Variants in FYN observed in about 807,000 individuals in gnomAD.
FYN encodes tyrosine-protein kinase Fyn.
Under a neutral mutation model 70.2 loss-of-function variants are expected in FYN, and 10 were observed. The observed-to-expected ratio is 0.14, with a 90% confidence interval of 0.09 to 0.24. FYN has a LOEUF of 0.24. Ranked by LOEUF, FYN falls within the 10% of genes least tolerant of loss-of-function variation. FYN has a pLI of 1.00. For missense variants in FYN, 319 were observed against 673.1 expected (o/e 0.47, Z 5.82); for synonymous variants, 236 against 248.6 (o/e 0.95, Z 0.48).
chr6:111,821,446 A>G (rs1004175100), intron 2 of FYN, among the ~76,000 whole-genome samples: 12 of 152,330 alleles, frequency 7.9e-5, no homozygotes, highest in Admixed American at 1.3e-4. Flanking sequence ...GAGAGCTGAA[A>G]CTGGATCCTT....
At chr6:111,706,231 G>A (rs1319262229) in intron 6 of FYN, among the ~76,000 whole-genome samples, 1 of 152,184 alleles carries the variant, frequency 6.6e-6, no homozygotes, top group African/African-American at 2.4e-5. Context: ...ATGAGCAGCA[G>A]GTGCCCCCAA....
intron 1 of FYN, among the ~76,000 whole-genome samples, chr6:111,868,856 C>T (rs975368182): frequency 3.3e-5 from 5 of 152,104 alleles, no homozygotes; most frequent in Non-Finnish European, 7.4e-5. Flanking sequence ...TTGTTAAGAT[C>T]GGAGCTTAAA....
chr6:111,822,397 G>A (rs1295327714), intron 2 of FYN, among the ~76,000 whole-genome samples: 3 of 152,044 alleles, frequency 2.0e-5, no homozygotes, highest in African/African-American at 7.2e-5. Flanking sequence ...ACCAAACACC[G>A]CATGTTCTCA....
chr6:111,763,401 A>G (rs1477194172), intron 3 of FYN, among the ~76,000 whole-genome samples: 3 of 152,062 alleles, frequency 2.0e-5, no homozygotes, highest in Admixed American at 2.0e-4. Context: ...CTTACACTTT[A>G]CTATTTTTAA....
chr6:111,719,918 G>T lies in FYN; in HGVS notation c.134C>A (p.Thr45Asn), dbSNP rs924981581. 1.2e-6 allele frequency: 2 copies of T among 1,614,044 alleles called. No individual in the cohort carries two copies. Among genetic ancestry groups the T allele is most frequent in the African/African-American group, 2.7e-5 (2 of 74,912 alleles). The change falls in exon 4 of 14, where the codon ACC becomes AAC. Residue 45 changes from threonine to asparagine, a missense_variant. Around this residue, in one of 4 missense-constraint regions of FYN, gnomAD observed 128 missense variants for 183.9 expected, o/e 0.70. Coordinates refer to ENST00000354650, the MANE Select transcript of FYN (RefSeq NM_002037.5). ...TPQHYPSFGV[T>N]SIPNYNNFHA... ...GAAGTTGTTGTAGTTGGGGATGGAGGTCACACCGAAGCTGGGGTAGTGCTG... is the reference window on the plus strand; with the variant it reads ...GAAGTTGTTGTAGTTGGGGATGGAGTTCACACCGAAGCTGGGGTAGTGCTG...
At chr6:111,774,700 C>T (rs1006556520) in intron 3 of FYN, among the ~76,000 whole-genome samples, 3 of 152,108 alleles carry the variant, frequency 2.0e-5, no homozygotes, top group African/African-American at 7.2e-5. Flanking sequence ...CTTTTTCCCC[C>T]CCTACTTATT....
chr6:111,708,184 C>G (rs1583339437), intron 5 of FYN, 164 bp from the exon 6 acceptor site: 2 of 582,022 alleles, frequency 3.4e-6, no homozygotes, highest in Non-Finnish European at 6.2e-6. Context: ...CTGTGAAGGT[C>G]AGAAGGTTCC....
chr6:111,727,731 CA>C (rs1801255690), intron 3 of FYN, among the ~76,000 whole-genome samples: 1 of 152,160 alleles, frequency 6.6e-6, no homozygotes, highest in South Asian at 2.1e-4. Context: ...GGAAGAGGAT[CA>C]ACCTTCTCTC....
chr6:111,663,695 GT>G (rs1264920479), intron 13 of FYN, among the ~76,000 whole-genome samples: 4 of 152,188 alleles, frequency 2.6e-5, no homozygotes, highest in African/African-American at 9.7e-5. Context: ...AGGGAGAGAG[GT>G]TTGGTGAAGG....
intron 3 of FYN, among the ~76,000 whole-genome samples, chr6:111,741,318 T>G (rs1801952488): frequency 6.6e-6 from 1 of 152,204 alleles, no homozygotes; most frequent in African/African-American, 2.4e-5. Flanking sequence ...ATACCCATAA[T>G]GCCCAAAACT....
chr6:111,790,185 T>C (rs1296760010), intron 2 of FYN, among the ~76,000 whole-genome samples: 1 of 149,578 alleles, frequency 6.7e-6, no homozygotes, highest in African/African-American at 2.5e-5. Context: ...TCCATTATAA[T>C]GGGAACCATT....
chr6:111,791,408 A>C (rs1771617976), intron 2 of FYN, among the ~76,000 whole-genome samples: 1 of 152,250 alleles, frequency 6.6e-6, no homozygotes, highest in East Asian at 1.9e-4. Flanking sequence ...AAAGATATGA[A>C]GTTCTAACCC....
chr6:111,848,511 C>T (rs977368629), intron 1 of FYN, among the ~76,000 whole-genome samples: 2 of 152,202 alleles, frequency 1.3e-5, no homozygotes, highest in African/African-American at 4.8e-5. Flanking sequence ...TACATATATA[C>T]GGCATCATCC....
Position 111,730,375 on chromosome 6 carries a change from C to T in FYN, c.-11-10313G>A, listed in dbSNP as rs548975753. Among the ~76,000 whole-genome samples the T allele has an allele frequency of 1.2e-4, 19 of 152,230 alleles. No homozygotes were observed. In the South Asian group the frequency reaches 2.7e-3, roughly 22 times the overall value. ...CCCTTTGGGCCACACATCCTAGGTA[C>T]TTGGGGACACCCACTAAATTCAGAA... is the stretch of plus-strand genomic sequence containing the variant. On this transcript the variant is annotated intron_variant, in intron 3 of 13. Transcript: ENST00000354650.
At chr6:111,813,888 C>T (rs73527792) in intron 2 of FYN, 6,025 of 152,276 alleles carry the variant, frequency 0.04, 193 homozygotes, top group East Asian at 0.13. Flanking sequence ...GGAGCCCTTG[C>T]TACCTCTAAG....
chr6:111,785,858 C>A (rs1274913561), intron 2 of FYN, among the ~76,000 whole-genome samples: 2 of 144,380 alleles, frequency 1.4e-5, no homozygotes, highest in African/African-American at 5.2e-5. Context: ...GTGATGTTCC[C>A]CTTCCTGTGT....
intron 1 of FYN, among the ~76,000 whole-genome samples, chr6:111,859,830 G>A (rs937547053): frequency 6.6e-6 from 1 of 152,060 alleles, no homozygotes; most frequent in African/African-American, 2.4e-5. Context: ...TGTGAATATG[G>A]CCTATTTGGA....
intron 1 of FYN, among the ~76,000 whole-genome samples, chr6:111,860,128 T>C (rs1297457205): frequency 1.3e-5 from 2 of 152,118 alleles, no homozygotes; most frequent in African/African-American, 2.4e-5. Context: ...GTTTCTGATT[T>C]TGGGCCTCCA....
chr6:111,722,961 G>A lies in FYN; in HGVS notation c.-11-2899C>T, dbSNP rs141818296. ...ATGCTTTCTTCAGGCGAACAGGCAT[G>A]TTAGGTAGAAGCAGGCAGTTTTAAA... On this transcript the variant is annotated intron_variant, in intron 3 of 13. Transcript: ENST00000354650. Among the ~76,000 whole-genome samples the A allele has an allele frequency of 3.9e-4, 59 of 152,326 alleles. 1 individual carries two copies. Among genetic ancestry groups the A allele is most frequent in the African/African-American group, 1.4e-3 (57 of 41,556 alleles).
Sources: gnomAD v4.1 joint callset for allele counts (sites outside exome capture counted in the v4.1 genomes callset) on GRCh38, gnomAD v4.1.1 for gene constraint, gnomAD v4.1.1 regional missense constraint, MANE v1.5 for transcripts, NCBI Gene and HGNC (gene_info 2026-07-23, HGNC 2026-07-21) for gene names.